Variants in RBFOX2 observed in about 807,000 individuals in gnomAD.
RBFOX2 encodes the protein RNA binding protein fox-1 homolog 2.
RBFOX2 carries 10 observed loss-of-function variants against 49.1 expected under a neutral mutation model. That is an observed-to-expected ratio of 0.20 (90% CI 0.13 to 0.35). RBFOX2 has a LOEUF of 0.35. Ranked by LOEUF, RBFOX2 falls within the 10% of genes least tolerant of loss-of-function variation. The pLI, the probability that RBFOX2 is intolerant of heterozygous loss-of-function variation, is 1.00. For synonymous variants in RBFOX2, 183 were observed against 187.4 expected (o/e 0.98, Z 0.19); for missense variants, 323 against 486.9 (o/e 0.66, Z 3.17).
intron 1 of RBFOX2, among the ~76,000 whole-genome samples, chr22:35,886,407 A>C (rs1179825814): frequency 2.6e-5 from 4 of 152,220 alleles, no homozygotes; most frequent in African/African-American, 9.6e-5. Context: ...CAACTGGATT[A>C]CAACTTTTAA....
At chr22:36,018,182 A>G (rs537101622) in intron 1 of RBFOX2, among the ~76,000 whole-genome samples, 1 of 152,358 alleles carries the variant, frequency 6.6e-6, no homozygotes, top group South Asian at 2.1e-4. Flanking sequence ...AGGATCTCAC[A>G]GTCTGGGTAA....
At chr22:35,887,602 T>TCTTC (rs1486116279) in intron 1 of RBFOX2, among the ~76,000 whole-genome samples, 1 of 152,042 alleles carries the variant, frequency 6.6e-6, no homozygotes, top group Non-Finnish European at 1.5e-5. Context: ...CCAGATATCC[T>TCTTC]CTTCCTTCCT....
At chr22:35,782,479 G>A (rs999265179) in intron 2 of RBFOX2, among the ~76,000 whole-genome samples, 30 of 152,070 alleles carry the variant, frequency 2.0e-4, no homozygotes, top group Admixed American at 1.9e-3. Context: ...CTGCCACCAC[G>A]CCCGTCTAAT....
chr22:35,917,342 G>T (rs2050542985), intron 1 of RBFOX2, among the ~76,000 whole-genome samples: 1 of 152,158 alleles, frequency 6.6e-6, no homozygotes, highest in African/African-American at 2.4e-5. Context: ...ATGTTGAATA[G>T]ATCTGTTAGG....
chr22:35,972,748 G>C (rs996493470), intron 1 of RBFOX2, among the ~76,000 whole-genome samples: 1 of 152,136 alleles, frequency 6.6e-6, no homozygotes, highest in Non-Finnish European at 1.5e-5. Flanking sequence ...AGTTGTGTGG[G>C]GGTGGAGAGA....
rs950166095 is a variant in RBFOX2, at chr22:35,810,980, A to G, written c.28-976T>C. On this transcript the variant is annotated intron_variant, in intron 1 of 11. Transcript: ENST00000405409. ...GGAAGCCAATATTCTGAAACACTGA[A>G]TTACTGTGTTACTCTTAAGAGAATG... Among the ~76,000 whole-genome samples, 12 of 152,218 alleles carry G rather than the reference A, an allele frequency of 7.9e-5. No homozygotes were observed. The South Asian group carries it at 8.3e-4, about 11-fold the overall frequency.
In RBFOX2 at chr22:35,746,483, AAGCGGCTGC is replaced by A. The variant is rs749060025; in HGVS notation, c.957_965del (p.Gln320_Leu322del). On this transcript the variant is annotated inframe_deletion, in exon 10 of 12. Transcript: ENST00000405409. ...TGTCTCTGTACATACCCGTCACTGT[AAGCGGCTGC>A]AGCGGCTGCAGCAGCGGTGGCTGCG... 1,106 of 1,603,234 alleles carry A rather than the reference AAGCGGCTGC, an allele frequency of 6.9e-4. No homozygotes were observed. Among genetic ancestry groups the A allele is most frequent in the Middle Eastern group, 2.2e-3 (13 of 6,024 alleles).
intron 2 of RBFOX2, among the ~76,000 whole-genome samples, chr22:35,789,327 G>A (rs761662182): frequency 6.6e-6 from 1 of 152,140 alleles, no homozygotes; most frequent in Non-Finnish European, 1.5e-5. Flanking sequence ...TGGATCACCT[G>A]AGGTCACGAG....
At chr22:35,761,138 A>G in intron 8 of RBFOX2, 64 bp downstream of exon 9, 2 of 1,428,140 alleles carry the variant, frequency 1.4e-6, no homozygotes, top group Non-Finnish European at 1.9e-6. Context: ...GAAAAAAAAA[A>G]ACAGTACATG....
intron 1 of RBFOX2, among the ~76,000 whole-genome samples, chr22:35,823,735 G>A (rs1955022858): frequency 6.6e-6 from 1 of 152,148 alleles, no homozygotes; most frequent in African/African-American, 2.4e-5. Flanking sequence ...GAAAATTAGA[G>A]AAGATTAAAA....
intron 1 of RBFOX2, among the ~76,000 whole-genome samples, chr22:35,991,828 TA>T (rs980616362): frequency 1.1e-4 from 17 of 152,242 alleles, no homozygotes; most frequent in African/African-American, 3.4e-4. Flanking sequence ...GATGAACTAA[TA>T]AAAATGAGGC....
upstream of RBFOX2, among the ~76,000 whole-genome samples, chr22:35,940,128 G>C (rs1318198451): frequency 2.0e-5 from 3 of 152,100 alleles, no homozygotes; most frequent in African/African-American, 7.2e-5. Context: ...TCAGATATTT[G>C]ATAGTCAAAA....
chr22:36,017,041 T>C (rs2059062002), intron 1 of RBFOX2, among the ~76,000 whole-genome samples: 1 of 152,176 alleles, frequency 6.6e-6, no homozygotes, highest in South Asian at 2.1e-4. Flanking sequence ...AACCAGAAGC[T>C]GAAAGTGAAG....
chr22:35,825,852 G>A (rs1189021340), intron 1 of RBFOX2, among the ~76,000 whole-genome samples: 2 of 151,620 alleles, frequency 1.3e-5, no homozygotes, highest in Non-Finnish European at 2.9e-5. Flanking sequence ...GTGGTGGCAG[G>A]TGCCCGTAAT....
At position 35,838,486 on chromosome 22, in the gene RBFOX2, T is replaced by C. The variant is rs770343817; in HGVS notation, c.27+1706A>G. Among the ~76,000 whole-genome samples, 4 of 152,150 alleles carry C rather than the reference T, an allele frequency of 2.6e-5. No homozygotes were observed. The South Asian group carries it at 6.2e-4, about 24-fold the overall frequency. On this transcript the variant is annotated intron_variant, in intron 1 of 11. Coordinates refer to ENST00000405409, the Ensembl canonical transcript of RBFOX2. ...ATCCATTGAGACAAGTTCTAGACAG[T>C]AGCATGCAGTCCCACAACTTGTACC...
chr22:36,019,451 G>A (rs1245449620), intron 1 of RBFOX2, among the ~76,000 whole-genome samples: 2 of 152,246 alleles, frequency 1.3e-5, no homozygotes, highest in Non-Finnish European at 2.9e-5. Context: ...AGTGAGTGCT[G>A]TATAGCAGGA....
intron 1 of RBFOX2, among the ~76,000 whole-genome samples, chr22:36,010,237 ACTGCTAGGACAGGCGCTTT>A (rs1174321313): frequency 6.6e-6 from 1 of 152,044 alleles, no homozygotes; most frequent in African/African-American, 2.4e-5. Flanking sequence ...CCATCTCTCG[ACTGCTAGGACAGGCGCTTT>A]CTGCTATCAG....
At chr22:35,869,562 C>T (rs1215379592) in intron 1 of RBFOX2, among the ~76,000 whole-genome samples, 1 of 150,504 alleles carries the variant, frequency 6.6e-6, no homozygotes, top group African/African-American at 2.4e-5. Flanking sequence ...GGCCTCAAGC[C>T]ATCTTCCCAC....
chr22:35,918,565 C>G (rs576536092), intron 1 of RBFOX2, among the ~76,000 whole-genome samples: 1 of 152,276 alleles, frequency 6.6e-6, no homozygotes, highest in South Asian at 2.1e-4. Flanking sequence ...AATAATCTTA[C>G]AAATGCCAGC....
Sources: gnomAD v4.1 joint callset for allele counts (sites outside exome capture counted in the v4.1 genomes callset) on GRCh38, gnomAD v4.1.1 for gene constraint, MANE v1.5 for transcripts, NCBI Gene and HGNC (gene_info 2026-07-23, HGNC 2026-07-21) for gene names.